Variants in USP28 observed in about 807,000 individuals in gnomAD.
USP28 encodes the protein ubiquitin carboxyl-terminal hydrolase 28.
USP28 carries 113 observed loss-of-function variants against 145.0 expected under a neutral mutation model. That is an observed-to-expected ratio of 0.78 (90% CI 0.67 to 0.91). The LOEUF is 0.91. Among genes scored for constraint, USP28 ranks in the 40% least tolerant of loss-of-function variants. The probability of loss-of-function intolerance (pLI) is 0.00; values close to 1 mark genes in which losing one functional copy is unlikely to be tolerated. For synonymous variants in USP28, 447 were observed against 450.9 expected, an observed-to-expected ratio of 0.99 and a Z score of 0.11; for missense variants, 1,201 against 1,289.6, an observed-to-expected ratio of 0.93 and a Z score of 1.05.
chr11:113,858,860 C>T (rs1244918999), intron 1 of USP28, among the ~76,000 whole-genome samples: 1 of 152,132 alleles, frequency 6.6e-6, no homozygotes. Flanking sequence ...CCACCCACCT[C>T]GGCCTCCCAA....
exon 24 of USP28, chr11:113,801,579 G>A: frequency 6.2e-7 from 1 of 1,610,718 alleles, no homozygotes; most frequent in Non-Finnish European, 8.5e-7. Flanking sequence ...ATGATAAGGT[G>A]AATGCAGGGG....
At chr11:113,840,649 T>A (rs1298075426) in exon 5 of USP28, 1 of 1,614,204 alleles carries the variant, frequency 6.2e-7, no homozygotes, top group Non-Finnish European at 8.5e-7. Context: ...TCAGCCCAAC[T>A]GGCCAACCAT....
chr11:113,831,294 G>GA (rs1208343017), intron 8 of USP28, among the ~76,000 whole-genome samples: 1 of 152,148 alleles, frequency 6.6e-6, no homozygotes, highest in Non-Finnish European at 1.5e-5. Flanking sequence ...AGGTAAGAAT[G>GA]AACTCTGTTG....
At chr11:113,860,406 G>T (rs369207346) in intron 1 of USP28, among the ~76,000 whole-genome samples, 47 of 145,194 alleles carry the variant, frequency 3.2e-4, no homozygotes, top group African/African-American at 1.1e-3. Context: ...GATCTGGTTC[G>T]CAATTATAAA....
chr11:113,808,828 A>G (rs969321191), intron 17 of USP28, among the ~76,000 whole-genome samples: 3 of 152,262 alleles, frequency 2.0e-5, no homozygotes, highest in Non-Finnish European at 2.9e-5. Context: ...AAGCAAAACT[A>G]TATACACAGT....
Position 113,818,934 on chromosome 11 carries a change from C to T in USP28, c.1284-1097G>A, listed in dbSNP as rs77207622. Among the ~76,000 whole-genome samples the T allele has an allele frequency of 2.0e-5, 3 of 151,348 alleles. No individual in the cohort carries two copies. In the East Asian group the frequency reaches 5.8e-4, roughly 29 times the overall value. ...ACATAATCATTTTCATGTTCATCTA[C>T]TGAATTCCTTTATACAACTTTTAGG... On this transcript the variant is annotated intron_variant, in intron 12 of 24. Coordinates refer to ENST00000003302, the Ensembl canonical transcript of USP28.
At position 113,812,290 on chromosome 11, in the gene USP28, G is replaced by A. The variant is rs751152223; in HGVS notation, c.1958C>T (p.Pro653Leu). Residue 653 changes from proline to leucine, a missense_variant, in exon 16 of 25, where the codon CCC becomes CTC. Coordinates refer to ENST00000003302, the Ensembl canonical transcript of USP28. ...GATACTTTTACCTGCATTGAAGTAG[G>A]GTAGTTTGTCATTAATGTACATCAG... The A allele has an allele frequency of 5.0e-6, 8 of 1,613,616 alleles. No individual in the cohort carries two copies. The South Asian group carries it at 8.8e-5, about 18-fold the overall frequency.
intron 12 of USP28, chr11:113,820,830 C>T (rs895591325): frequency 3.3e-5 from 5 of 153,732 alleles, no homozygotes; most frequent in Admixed American, 2.0e-4. Context: ...TGCCTCCCCA[C>T]GTCACCAACA....
At chr11:113,823,858 T>TC (rs1481217246) in intron 11 of USP28, among the ~76,000 whole-genome samples, 158 bp from the exon 12 acceptor site, 3 of 152,088 alleles carry the variant, frequency 2.0e-5, no homozygotes, top group Non-Finnish European at 4.4e-5. Flanking sequence ...ACTGATGCAT[T>TC]CCCCCTAAAA....
At chr11:113,833,036 T>C (rs992027880) in intron 7 of USP28, among the ~76,000 whole-genome samples, 2 of 152,210 alleles carry the variant, frequency 1.3e-5, no homozygotes, top group South Asian at 2.1e-4. Context: ...GTTTTAAAGA[T>C]ACTATTTCCA....
chr11:113,867,551 A>C (rs573023576), intron 1 of USP28, among the ~76,000 whole-genome samples: 1 of 151,766 alleles, frequency 6.6e-6, no homozygotes, highest in East Asian at 1.9e-4. Flanking sequence ...ATGTTATATA[A>C]ATTTTGCCTC....
chr11:113,842,228 C>G (rs925578123), intron 3 of USP28, among the ~76,000 whole-genome samples: 2 of 151,398 alleles, frequency 1.3e-5, no homozygotes, highest in African/African-American at 4.9e-5. Flanking sequence ...CTCACAGATA[C>G]AAAATACCTA....
chr11:113,801,868 C>A (rs868509790), intron 23 of USP28, among the ~76,000 whole-genome samples, 190 bp from the exon 25 acceptor site: 1 of 152,210 alleles, frequency 6.6e-6, no homozygotes, highest in Non-Finnish European at 1.5e-5. Context: ...GACCGGGACA[C>A]TGGGATTTTA....
At chr11:113,875,193 T>A (rs529963168) in intron 1 of USP28, among the ~76,000 whole-genome samples, 2 of 152,258 alleles carry the variant, frequency 1.3e-5, no homozygotes, top group Admixed American at 6.5e-5. Context: ...CCCTTTATAT[T>A]TGGTTTTCCA....
At chr11:113,868,049 G>A (rs1948469198) in intron 1 of USP28, among the ~76,000 whole-genome samples, 2 of 152,220 alleles carry the variant, frequency 1.3e-5, no homozygotes, top group Middle Eastern at 3.4e-3. Context: ...AAGCCTAGAC[G>A]CTGGAAATAG....
At chr11:113,806,654 G>T (rs1409791364) in intron 18 of USP28, 70 bp from the exon 20 acceptor site, 11 of 1,172,258 alleles carry the variant, frequency 9.4e-6, no homozygotes, top group Non-Finnish European at 1.2e-5. Flanking sequence ...CTGTATGAAA[G>T]CAGGCTGAAC....
intron 3 of USP28, among the ~76,000 whole-genome samples, chr11:113,851,275 G>C (rs1477722847): frequency 6.6e-6 from 1 of 152,108 alleles, no homozygotes; most frequent in African/African-American, 2.4e-5. Flanking sequence ...TCATTCCTTT[G>C]CTCCAAACTC....
intron 21 of USP28, among the ~76,000 whole-genome samples, chr11:113,804,132 C>T (rs2135177177): frequency 6.6e-6 from 1 of 152,310 alleles, no homozygotes; most frequent in Admixed American, 6.5e-5. Context: ...CGGATTTTAT[C>T]CTAATTTCTA....
At chr11:113,850,826 A>C (rs1946370165) in intron 3 of USP28, among the ~76,000 whole-genome samples, 1 of 152,162 alleles carries the variant, frequency 6.6e-6, no homozygotes, top group South Asian at 2.1e-4. Flanking sequence ...TACGATTCCA[A>C]GTCCACCTAC....
Sources: gnomAD v4.1 joint callset for allele counts (sites outside exome capture counted in the v4.1 genomes callset) on GRCh38, gnomAD v4.1.1 for gene constraint, MANE v1.5 for transcripts, NCBI Gene and HGNC (gene_info 2026-07-23, HGNC 2026-07-21) for gene names.